SLC7A1: variants seen among roughly 807,000 people sequenced by gnomAD.
SLC7A1 encodes the protein solute carrier family 7 member 1.
In SLC7A1, 10 loss-of-function variants were observed where a neutral mutation model predicts 53.9. That is an observed-to-expected ratio of 0.19 (90% confidence interval 0.11 to 0.31). The LOEUF (loss-of-function observed/expected upper bound fraction) is 0.31, where lower values mean the gene tolerates loss of function less well. Ranked by LOEUF, SLC7A1 falls within the 10% of genes least tolerant of loss-of-function variation. The pLI is 1.00. For synonymous variants in SLC7A1, 342 were observed against 338.7 expected (o/e 1.01, Z -0.11); for missense variants, 525 against 827.2 (o/e 0.63, Z 4.48).
Position 29,589,779 on chromosome 13 carries a change from G to A in SLC7A1, c.-115+5637C>T, listed in dbSNP as rs568870862. Among the ~76,000 whole-genome samples, 708 of 152,272 alleles carry A rather than the reference G, an allele frequency of 4.6e-3. 7 individuals carry two copies. The highest frequency in any genetic ancestry group is 0.016 in the African/African-American group (653 of 41,546). ...CAGGCCTATCCCGAGACAGGCTGGAGTCCAGGTACAGGCAGACATCTGGGT... is the reference window on the plus strand; with the variant it reads ...CAGGCCTATCCCGAGACAGGCTGGAATCCAGGTACAGGCAGACATCTGGGT... On this transcript the variant is annotated intron_variant, in intron 1 of 12. Coordinates refer to ENST00000380752, the MANE Select transcript of SLC7A1 (RefSeq NM_003045.5).
intron 1 of SLC7A1, among the ~76,000 whole-genome samples, chr13:29,561,429 C>T (rs1870749890): frequency 6.6e-6 from 1 of 152,196 alleles, no homozygotes; most frequent in African/African-American, 2.4e-5. Flanking sequence ...CAGTCAAGCC[C>T]TTTGGGATGG....
intron 1 of SLC7A1, among the ~76,000 whole-genome samples, chr13:29,554,241 C>T (rs780791011): frequency 1.7e-4 from 26 of 152,190 alleles, no homozygotes; most frequent in Non-Finnish European, 2.8e-4. Flanking sequence ...GGAACGAGTC[C>T]GCTCCTGACA....
chr13:29,566,651 TA>T (rs1355030702), intron 1 of SLC7A1, among the ~76,000 whole-genome samples: 1 of 152,208 alleles, frequency 6.6e-6, no homozygotes, highest in African/African-American at 2.4e-5. Flanking sequence ...AGTTTCCTTT[TA>T]GGGGTGACGA....
chr13:29,527,299 T>C (rs1231486512), intron 5 of SLC7A1, among the ~76,000 whole-genome samples: 8 of 152,146 alleles, frequency 5.3e-5, no homozygotes, highest in Admixed American at 5.2e-4. Flanking sequence ...AAGGAACGCA[T>C]TGTAAATCTT....
At chr13:29,516,613 A>G (rs1883564033) in intron 11 of SLC7A1, among the ~76,000 whole-genome samples, 1 of 152,246 alleles carries the variant, frequency 6.6e-6, no homozygotes, top group African/African-American at 2.4e-5. Context: ...TAATCTAAAA[A>G]TGCAGAAGCC....
intron 1 of SLC7A1, among the ~76,000 whole-genome samples, chr13:29,564,256 T>C (rs1870878243): frequency 6.6e-6 from 1 of 152,162 alleles, no homozygotes; most frequent in Non-Finnish European, 1.5e-5. Flanking sequence ...AAGTCAGTTA[T>C]AGGCCCACTG....
At chr13:29,517,891 C>T (rs1868432406) in intron 9 of SLC7A1, 101 bp from the exon 10 acceptor site, 1 of 859,888 alleles carries the variant, frequency 1.2e-6, no homozygotes. Context: ...CTGCCCGGGA[C>T]ACAAGGTATA....
At chr13:29,517,078 C>T in intron 11 of SLC7A1, 66 bp downstream of exon 11, 4 of 1,462,400 alleles carry the variant, frequency 2.7e-6, no homozygotes, top group Non-Finnish European at 3.7e-6. Context: ...CCACGCAGGG[C>T]TGGCCAGGCA....
intron 5 of SLC7A1, among the ~76,000 whole-genome samples, chr13:29,526,577 GCA>G (rs1868903272): frequency 6.6e-6 from 1 of 152,182 alleles, no homozygotes; most frequent in Non-Finnish European, 1.5e-5. Flanking sequence ...TGAGGCAGAG[GCA>G]CCTAGAAAGG....
intron 2 of SLC7A1, among the ~76,000 whole-genome samples, chr13:29,544,792 G>A (rs917367631): frequency 3.7e-4 from 31 of 84,310 alleles, no homozygotes; most frequent in Non-Finnish European, 9.2e-4. Flanking sequence ...GGGAGAGGGT[G>A]TAAAATACAG....
chr13:29,550,591 G>A lies in SLC7A1; in HGVS notation c.-15+3170C>T, dbSNP rs280947. 3.0e-3 allele frequency among the ~76,000 whole-genome samples: 459 copies of A among 152,232 alleles called. 3 individuals are homozygous for A. Among genetic ancestry groups the A allele is most frequent in the African/African-American group, 0.01 (428 of 41,546 alleles). On this transcript the variant is annotated intron_variant, in intron 2 of 12. Transcript: ENST00000380752. ...GGGAGCTGACAGCAGCCTGCATGTC[G>A]GCCAAAAAGAGGCCAGGACTCAGTT...
intron 5 of SLC7A1, among the ~76,000 whole-genome samples, chr13:29,530,258 C>T (rs1406848495): frequency 6.6e-6 from 1 of 152,058 alleles, no homozygotes; most frequent in South Asian, 2.1e-4. Context: ...TGACAAGAAT[C>T]CTGAATGATA....
In SLC7A1 at chr13:29,570,762, C is replaced by T. The variant is rs1275360; in HGVS notation, c.-114-16902G>A. 3.5e-3 allele frequency among the ~76,000 whole-genome samples: 524 copies of T among 151,238 alleles called. 3 individuals are homozygous for T. Among genetic ancestry groups the T allele is most frequent in the African/African-American group, 0.012 (488 of 41,142 alleles). ...GTCCCAGCAACCAAGGAGGCTGAGACGGGAGGATCACTTGAGCCTAGGGAG... is the reference window on the plus strand; with the variant it reads ...GTCCCAGCAACCAAGGAGGCTGAGATGGGAGGATCACTTGAGCCTAGGGAG... On this transcript the variant is annotated intron_variant, in intron 1 of 12. Coordinates refer to ENST00000380752, the MANE Select transcript of SLC7A1 (RefSeq NM_003045.5).
intron 2 of SLC7A1, among the ~76,000 whole-genome samples, chr13:29,541,198 AC>A (rs1869651121): frequency 6.6e-6 from 1 of 152,204 alleles, no homozygotes; most frequent in African/African-American, 2.4e-5. Context: ...GCAAGAACTT[AC>A]ATTTTGAAAA....
intron 3 of SLC7A1, 106 bp from the exon 4 acceptor site, chr13:29,533,088 G>T: frequency 1.7e-6 from 2 of 1,156,868 alleles, no homozygotes; most frequent in Non-Finnish European, 1.2e-6. Flanking sequence ...CACCGACGGT[G>T]CACTGGAATC....
At chr13:29,546,314 G>T (rs1327385118) in intron 2 of SLC7A1, among the ~76,000 whole-genome samples, 1 of 152,180 alleles carries the variant, frequency 6.6e-6, no homozygotes, top group African/African-American at 2.4e-5. Context: ...GAAGAAACTT[G>T]TTCTTTAAAC....
Position 29,523,256 on chromosome 13 carries a change from G to A in SLC7A1, c.1049+10C>T, listed in dbSNP as rs1380417082. 1.9e-6 allele frequency: 3 copies of A among 1,610,244 alleles called. No individual in the cohort carries two copies. Among genetic ancestry groups the A allele is most frequent in the Admixed American group, 3.3e-5 (2 of 60,024 alleles). On this transcript the variant is annotated intron_variant, in intron 7 of 12. Transcript: ENST00000380752. Reference sequence around the variant, plus strand: ...CCCCTAGGAGCAGCCACCACAGAAAGGCCTCTCACCTGGCGGAAAGAGCGC... The same window carrying A: ...CCCCTAGGAGCAGCCACCACAGAAAAGCCTCTCACCTGGCGGAAAGAGCGC...
chr13:29,517,097 G>A lies in SLC7A1; in HGVS notation c.1677+47C>T, dbSNP rs1883579028. The A allele has an allele frequency of 1.2e-5, 18 of 1,517,964 alleles. No individual in the cohort carries two copies. The South Asian group carries it at 2.4e-4, about 20-fold the overall frequency. 94.0% of individuals were successfully genotyped at this position (1,517,964 alleles called of 1,614,324 possible). On this transcript the variant is annotated intron_variant, in intron 11 of 12. Coordinates refer to ENST00000380752, the MANE Select transcript of SLC7A1 (RefSeq NM_003045.5). ...GCAGGGCTGGCCAGGCATCAGGAGGGCCAGGGTCTGTGTACCAGGGTTCCT... is the reference window on the plus strand; with the variant it reads ...GCAGGGCTGGCCAGGCATCAGGAGGACCAGGGTCTGTGTACCAGGGTTCCT...
rs993879119 is a variant in SLC7A1, at chr13:29,513,768, TAAGCA to T, written c.*707_*711del. 1 of 152,450 alleles carries T rather than the reference TAAGCA, an allele frequency of 6.6e-6. No individual in the cohort carries two copies. Among genetic ancestry groups the T allele is most frequent in the Admixed American group, 6.5e-5 (1 of 15,292 alleles). 9.4% of individuals were successfully genotyped at this position (152,450 alleles called of 1,614,324 possible). The stretch of plus-strand genomic sequence containing the variant: ...TTACATGCATGTGCACACACATGCA[TAAGCA>T]AAGCAGGCCCTAATGGGAGTGATCC... On this transcript the variant is annotated 3_prime_UTR_variant, in exon 13 of 13. Transcript: ENST00000380752.
Sources: gnomAD v4.1 joint callset for allele counts (sites outside exome capture counted in the v4.1 genomes callset) on GRCh38, gnomAD v4.1.1 for gene constraint, MANE v1.5 for transcripts, NCBI Gene and HGNC (gene_info 2026-07-23, HGNC 2026-07-21) for gene names.